Variants in MYBL2 observed in about 807,000 individuals in gnomAD.
The protein encoded by MYBL2 is myb-related protein B.
In MYBL2, 28 loss-of-function variants were observed where a neutral mutation model predicts 79.9. The ratio of observed to expected loss-of-function variants is 0.35; its 90% CI spans 0.26 to 0.48. The LOEUF (loss-of-function observed/expected upper bound fraction) is 0.48, where lower values mean the gene tolerates loss of function less well. Among genes scored for constraint, MYBL2 ranks in the 20% least tolerant of loss-of-function variants. The pLI is 0.99. For missense variants in MYBL2, 735 were observed against 893.9 expected, an observed-to-expected ratio of 0.82 and a Z score of 2.27; for synonymous variants, 378 against 361.2, an observed-to-expected ratio of 1.05 and a Z score of -0.53.
At chr20:43,715,383 T>G in intron 13 of MYBL2, 100 bp downstream of exon 13, 1 of 1,559,904 alleles carries the variant, frequency 6.4e-7, no homozygotes, top group Non-Finnish European at 8.7e-7. Flanking sequence ...GCCCGCCTTC[T>G]TAGCTCAGGG....
intron 1 of MYBL2, among the ~76,000 whole-genome samples, chr20:43,670,218 G>GTGCTGGA (rs1311903255): frequency 6.6e-6 from 1 of 152,242 alleles, no homozygotes; most frequent in Non-Finnish European, 1.5e-5. Flanking sequence ...CCAGGCCTTT[G>GTGCTGGA]TGCTGGATGC....
intron 1 of MYBL2, among the ~76,000 whole-genome samples, chr20:43,671,463 A>ATTTTTTTTT (rs376522569): frequency 1.1e-4 from 8 of 70,868 alleles, no homozygotes; most frequent in African/African-American, 1.8e-4. Flanking sequence ...GCTGATTTCC[A>ATTTTTTTTT]TTTTTTTTTT....
At chr20:43,704,937 C>A (rs1342775557) in intron 8 of MYBL2, among the ~76,000 whole-genome samples, 1 of 152,186 alleles carries the variant, frequency 6.6e-6, no homozygotes, top group Non-Finnish European at 1.5e-5. Flanking sequence ...CAGTTGGCTT[C>A]CTGTGCCTTA....
chr20:43,688,688 G>A (rs1247405936), intron 5 of MYBL2, among the ~76,000 whole-genome samples: 1 of 151,896 alleles, frequency 6.6e-6, no homozygotes, highest in Non-Finnish European at 1.5e-5. Context: ...TCCCTATGTT[G>A]CCCAGGCTGG....
intron 5 of MYBL2, among the ~76,000 whole-genome samples, chr20:43,687,357 GTCT>G (rs1224204505): frequency 2.6e-5 from 4 of 152,200 alleles, no homozygotes; most frequent in Non-Finnish European, 1.5e-5. Context: ...AGCTCACTGT[GTCT>G]TCTTGGTTAG....
intron 4 of MYBL2, among the ~76,000 whole-genome samples, chr20:43,684,005 TG>T (rs1987208142): frequency 6.6e-6 from 1 of 152,138 alleles, no homozygotes; most frequent in Admixed American, 6.6e-5. Context: ...CACGGCTCAT[TG>T]CAGCCTCGAC....
Position 43,697,630 on chromosome 20 carries a change from G to A in MYBL2, c.664-2127G>A, listed in dbSNP as rs1370580192. Among the ~76,000 whole-genome samples, 10 of 151,934 alleles carry A rather than the reference G, an allele frequency of 6.6e-5. No individual in the cohort carries two copies. In the East Asian group the frequency reaches 7.7e-4, roughly 12 times the overall value. On this transcript the variant is annotated intron_variant, in intron 6 of 13. Coordinates refer to ENST00000217026, the MANE Select transcript of MYBL2 (RefSeq NM_002466.4). Reference sequence around the variant, plus strand: ...TCTCAAAAAACAACAAGGGCTGGGCGCAATGGCTCACGCCTGTAATCCCAG... The same window carrying A: ...TCTCAAAAAACAACAAGGGCTGGGCACAATGGCTCACGCCTGTAATCCCAG...
intron 1 of MYBL2, among the ~76,000 whole-genome samples, chr20:43,672,984 C>T (rs1026287167): frequency 3.3e-5 from 5 of 152,094 alleles, no homozygotes; most frequent in African/African-American, 1.2e-4. Context: ...TGCTTTGTCA[C>T]CCAGGCTGGA....
At chr20:43,674,889 C>T (rs1308313925) in intron 2 of MYBL2, among the ~76,000 whole-genome samples, 1 of 152,100 alleles carries the variant, frequency 6.6e-6, no homozygotes, top group Non-Finnish European at 1.5e-5. Context: ...GACATCAAGC[C>T]CTGAATTGGT....
intron 2 of MYBL2, among the ~76,000 whole-genome samples, chr20:43,675,208 A>C (rs928644096): frequency 1.3e-5 from 2 of 152,134 alleles, no homozygotes; most frequent in Middle Eastern, 3.4e-3. Flanking sequence ...TCAAACTTCT[A>C]GGCTCAAGCA....
intron 5 of MYBL2, among the ~76,000 whole-genome samples, 165 bp from the exon 6 acceptor site, chr20:43,691,992 A>G (rs1370440952): frequency 1.3e-5 from 2 of 152,138 alleles, no homozygotes; most frequent in Admixed American, 6.6e-5. Flanking sequence ...TATTAGGGCT[A>G]GAGACTTGTG....
At chr20:43,675,008 G>A (rs1344686257) in intron 2 of MYBL2, among the ~76,000 whole-genome samples, 1 of 151,742 alleles carries the variant, frequency 6.6e-6, no homozygotes, top group Non-Finnish European at 1.5e-5. Flanking sequence ...TTGAGACAGG[G>A]TTTTTGCTCT....
chr20:43,702,212 T>A (rs1462789755), intron 7 of MYBL2, among the ~76,000 whole-genome samples: 1 of 152,134 alleles, frequency 6.6e-6, no homozygotes. Context: ...GGCGGGAGGA[T>A]CACTTGAACC....
At chr20:43,684,714 T>G (rs1418502872) in intron 4 of MYBL2, among the ~76,000 whole-genome samples, 1 of 151,066 alleles carries the variant, frequency 6.6e-6, no homozygotes, top group Non-Finnish European at 1.5e-5. Context: ...GGCGTGGTGG[T>G]GGGGTGCCTG....
chr20:43,674,224 T>TCC (rs149334286), intron 2 of MYBL2, among the ~76,000 whole-genome samples: 20,058 of 57,126 alleles, frequency 0.35, 5,368 homozygotes, highest in Non-Finnish European at 0.48. Flanking sequence ...AATCTGTAAC[T>TCC]CCCCCCACCC....
intron 5 of MYBL2, among the ~76,000 whole-genome samples, chr20:43,690,185 G>T (rs1489351241): frequency 1.4e-5 from 2 of 145,174 alleles, no homozygotes; most frequent in East Asian, 3.9e-4. Context: ...TCCAAGAGCT[G>T]TTTTTTGTTT....
intron 2 of MYBL2, among the ~76,000 whole-genome samples, chr20:43,674,810 G>A (rs964079537): frequency 1.3e-5 from 2 of 152,142 alleles, no homozygotes; most frequent in African/African-American, 4.8e-5. Flanking sequence ...GGGATTACAG[G>A]CATGAGTAAC....
rs542499508 is a variant in MYBL2, at chr20:43,703,787, G to A, written c.1365+884G>A. Among the ~76,000 whole-genome samples, 68 of 152,152 alleles carry A rather than the reference G, an allele frequency of 4.5e-4. No individual in the cohort carries two copies. In the South Asian group the frequency reaches 8.9e-3, roughly 20 times the overall value. On this transcript the variant is annotated intron_variant, in intron 8 of 13. Coordinates refer to ENST00000217026, the MANE Select transcript of MYBL2 (RefSeq NM_002466.4). ...GGCATTTTGAGAGAGACCCTGTGTC[G>A]GTTTGCTCCGGCTGCTTAACAGAGT...
chr20:43,694,054 C>T (rs949502601), intron 6 of MYBL2, among the ~76,000 whole-genome samples: 37 of 150,550 alleles, frequency 2.5e-4, no homozygotes, highest in African/African-American at 3.2e-4. Flanking sequence ...ATTTGAAGGC[C>T]GGGCACGGTG....
Sources: allele counts gnomAD v4.1 joint callset (sites outside exome capture counted in the v4.1 genomes callset), GRCh38; gene constraint gnomAD v4.1.1; transcripts MANE v1.5; gene names NCBI Gene and HGNC (gene_info 2026-07-23, HGNC 2026-07-21).